SLC6A4: variants seen among roughly 807,000 people sequenced by gnomAD.
SLC6A4 encodes the protein sodium-dependent serotonin transporter.
Under a neutral mutation model 73.4 loss-of-function variants are expected in SLC6A4, and 22 were observed. That is an observed-to-expected ratio of 0.30 (90% CI 0.21 to 0.43). The LOEUF (loss-of-function observed/expected upper bound fraction) is 0.43. Ranked by LOEUF, SLC6A4 falls within the 20% of genes least tolerant of loss-of-function variation. The probability of loss-of-function intolerance (pLI) is 1.00; values close to 1 mark genes in which losing one functional copy is unlikely to be tolerated. For synonymous variants in SLC6A4, 270 were observed against 315.5 expected (o/e 0.86, Z 1.53); for missense variants, 593 against 808.5 (o/e 0.73, Z 3.23).
At chr17:30,223,085 T>C (rs1906821356) in intron 1 of SLC6A4, among the ~76,000 whole-genome samples, 170 bp from the exon 2 acceptor site, 1 of 152,210 alleles carries the variant, frequency 6.6e-6, no homozygotes, top group African/African-American at 2.4e-5. Flanking sequence ...TCGTCAAACG[T>C]GGGGTAGAAA....
intron 1 of SLC6A4, among the ~76,000 whole-genome samples, chr17:30,230,798 G>A (rs781440265): frequency 6.6e-5 from 10 of 152,148 alleles, no homozygotes; most frequent in Non-Finnish European, 1.3e-4. Context: ...GAGAGGGGGC[G>A]CGGAGGACAC....
At chr17:30,224,335 C>T (rs1011186904) in intron 1 of SLC6A4, among the ~76,000 whole-genome samples, 11 of 152,130 alleles carry the variant, frequency 7.2e-5, no homozygotes, top group Non-Finnish European at 1.3e-4. Context: ...TCTTGTGCCT[C>T]AGCCTCCGAG....
chr17:30,224,037 G>T lies in SLC6A4; in HGVS notation c.-220-1122C>A, dbSNP rs577580364. Among the ~76,000 whole-genome samples, 3 of 152,276 alleles carry T rather than the reference G, an allele frequency of 2.0e-5. No individual in the cohort carries two copies. In the East Asian group the frequency reaches 5.8e-4, roughly 29 times the overall value. On this transcript the variant is annotated intron_variant, in intron 1 of 14. Coordinates refer to ENST00000650711, the MANE Select transcript of SLC6A4 (RefSeq NM_001045.6). ...AACCTGAACTTGGTAGTCAGTGGTTGTGTTGTTTAAAAAGGCCTCTGTACT... is the reference window on the plus strand; with the variant it reads ...AACCTGAACTTGGTAGTCAGTGGTTTTGTTGTTTAAAAAGGCCTCTGTACT...
At chr17:30,199,318 A>G (rs560869934) in intron 14 of SLC6A4, among the ~76,000 whole-genome samples, 2 of 149,086 alleles carry the variant, frequency 1.3e-5, no homozygotes, top group South Asian at 2.1e-4. Context: ...ATAGAGGAGA[A>G]AAAAAAAAAA....
At position 30,215,829 on chromosome 17, in the gene SLC6A4, G is replaced by A. The variant is rs59636753; in HGVS notation, c.973-115C>T. 1.8e-3 allele frequency: 1,630 copies of A among 884,596 alleles called. 7 individuals carry two copies. The highest frequency in any genetic ancestry group is 2.5e-3 in the Non-Finnish European group (1,386 of 552,270). 54.8% of individuals were successfully genotyped at this position (884,596 alleles called of 1,614,324 possible). A position where few individuals can be genotyped will look rare whatever the true frequency, so the allele number is the denominator to read the frequency against. On this transcript the variant is annotated intron_variant, in intron 7 of 14. Transcript: ENST00000650711. ...GGCTAAGTGCAGAGGCAGAAAAACAGCTTTTAAGGCTCATTCCAGGCATAG... is the reference window on the plus strand; with the variant it reads ...GGCTAAGTGCAGAGGCAGAAAAACAACTTTTAAGGCTCATTCCAGGCATAG...
intron 3 of SLC6A4, among the ~76,000 whole-genome samples, chr17:30,219,357 C>T (rs1906678289): frequency 6.6e-6 from 1 of 152,196 alleles, no homozygotes; most frequent in Non-Finnish European, 1.5e-5. Flanking sequence ...CCCAGACCTC[C>T]TGAAGCGGAA....
chr17:30,231,355 T>C, intron 1 of SLC6A4, among the ~76,000 whole-genome samples: 2 of 151,514 alleles, frequency 1.3e-5, no homozygotes, highest in Middle Eastern at 6.9e-3. Flanking sequence ...TAGGTATACA[T>C]ACAGATACAT....
At chr17:30,223,399 G>A (rs1333247088) in intron 1 of SLC6A4, among the ~76,000 whole-genome samples, 1 of 152,080 alleles carries the variant, frequency 6.6e-6, no homozygotes, top group Non-Finnish European at 1.5e-5. Context: ...TACCTATTTG[G>A]GGTTTTTGGT....
intron 3 of SLC6A4, among the ~76,000 whole-genome samples, chr17:30,219,432 G>C (rs759852418): frequency 2.0e-5 from 3 of 152,324 alleles, no homozygotes; most frequent in Non-Finnish European, 4.4e-5. Flanking sequence ...GATGCAGCCA[G>C]TACCTGGGAC....
chr17:30,207,657 AT>A, intron 13 of SLC6A4, 74 bp downstream of exon 13: 1 of 1,012,324 alleles, frequency 9.9e-7, no homozygotes. Context: ...GTGCCCAGCC[AT>A]TACAATTCAT....
chr17:30,212,226 C>A (rs768268354), intron 9 of SLC6A4, among the ~76,000 whole-genome samples: 2 of 152,172 alleles, frequency 1.3e-5, no homozygotes, highest in Non-Finnish European at 2.9e-5. Flanking sequence ...AAGACCATCA[C>A]AGGAAGCAAA....
Position 30,211,457 on chromosome 17 carries a change from G to T in SLC6A4, c.1205-33C>A. Reference sequence around the variant, plus strand: ...AGAGGGGAGAGAGGAGGAGGTGGTTGACAAGACCTGTCCTACAAAGATGTC... The same window carrying T: ...AGAGGGGAGAGAGGAGGAGGTGGTTTACAAGACCTGTCCTACAAAGATGTC... On this transcript the variant is annotated intron_variant, in intron 9 of 14. Transcript: ENST00000650711. This position sits in a 1 kb window ranked among gnomAD's most constrained non-coding sequence, Gnocchi z 4.0. 7.6e-7 allele frequency: 1 copy of T among 1,318,068 alleles called. No homozygotes were observed. Among genetic ancestry groups the T allele is most frequent in the Non-Finnish European group, 1.1e-6 (1 of 910,390 alleles). 81.6% of individuals were successfully genotyped at this position (1,318,068 alleles called of 1,614,324 possible).
At position 30,230,098 on chromosome 17, in the gene SLC6A4, G is replaced by GAAGAAGAAGAAGAGGAGGAA; in HGVS notation, c.-221+5514_-221+5515insTTCCTCCTCTTCTTCTTCTT. On this transcript the variant is annotated intron_variant, in intron 1 of 14. Transcript: ENST00000650711. ...AAGAAGAAGAAGAAGAAGAAGAAGA[G>GAAGAAGAAGAAGAGGAGGAA]GAGGAAGAGGAAGAGGAAGAGGAAG... is the stretch of plus-strand genomic sequence containing the variant. Among the ~76,000 whole-genome samples the GAAGAAGAAGAAGAGGAGGAA allele has an allele frequency of 2.2e-5, 2 of 89,628 alleles. 1 individual carries two copies. The highest frequency in any genetic ancestry group is 8.0e-4 in the South Asian group (2 of 2,498). 58.8% of individuals were successfully genotyped at this position (89,628 alleles called of 152,430 possible).
intron 8 of SLC6A4, among the ~76,000 whole-genome samples, chr17:30,214,422 C>CAAAAAAAAAAAAA (rs748274109): frequency 4.9e-4 from 39 of 79,354 alleles, no homozygotes; most frequent in African/African-American, 7.6e-4. Flanking sequence ...AACTCCGTCT[C>CAAAAAAAAAAAAA]AAAAAAAAAA....
At chr17:30,230,210 C>G (rs1907071671) in intron 1 of SLC6A4, among the ~76,000 whole-genome samples, 2 of 152,020 alleles carry the variant, frequency 1.3e-5, no homozygotes, top group African/African-American at 4.8e-5. Context: ...CATAATTTCA[C>G]AACTTACAAC....
chr17:30,226,435 C>CA (rs1906926493), intron 1 of SLC6A4, among the ~76,000 whole-genome samples: 1 of 152,252 alleles, frequency 6.6e-6, no homozygotes, highest in Admixed American at 6.5e-5. Context: ...CCAGCTGGCT[C>CA]ACGCCTGTAA....
At position 30,211,547 on chromosome 17, in the gene SLC6A4, G is replaced by A; in HGVS notation, c.1205-123C>T. On this transcript the variant is annotated intron_variant, in intron 9 of 14. Transcript: ENST00000650711. The surrounding 1 kb of genome is among the most constrained non-coding windows in gnomAD (Gnocchi z 4.0). ...ATCACAAGACCTTATGTGTGAATCA[G>A]GTTTTGACACACACCAAGTGCGTCC... 1.5e-6 allele frequency: 1 copy of A among 679,804 alleles called. No individual in the cohort carries two copies. Among genetic ancestry groups the A allele is most frequent in the South Asian group, 1.7e-5 (1 of 58,110 alleles). The allele number at this position is 679,804 out of a possible 1,614,324, so 42.1% of individuals were successfully genotyped here.
At chr17:30,234,817 C>T (rs1907220535) in intron 1 of SLC6A4, among the ~76,000 whole-genome samples, 1 of 152,154 alleles carries the variant, frequency 6.6e-6, no homozygotes, top group Non-Finnish European at 1.5e-5. Flanking sequence ...AATTCTACCC[C>T]TCTCAAATTC....
At chr17:30,205,334 TAAAC>T (rs557648255) in intron 13 of SLC6A4, among the ~76,000 whole-genome samples, 11 of 152,222 alleles carry the variant, frequency 7.2e-5, no homozygotes, top group African/African-American at 2.2e-4. Context: ...AATATGGAAG[TAAAC>T]AAACAAACAA....
Sources: allele counts gnomAD v4.1 joint callset (sites outside exome capture counted in the v4.1 genomes callset), GRCh38; gene constraint gnomAD v4.1.1; non-coding constraint Gnocchi (gnomAD v3.1); transcripts MANE v1.5; gene names NCBI Gene and HGNC (gene_info 2026-07-23, HGNC 2026-07-21).